The following TSPAN18 variants were observed in gnomAD, a reference collection of about 807,000 sequenced individuals.
TSPAN18 encodes the protein tetraspanin-18.
A neutral mutation model predicts 27.3 loss-of-function variants in TSPAN18; 14 were observed. The ratio of observed to expected loss-of-function variants is 0.51; its 90% CI spans 0.34 to 0.80. TSPAN18 has a LOEUF of 0.80. Ranked by LOEUF, TSPAN18 falls within the 30% of genes least tolerant of loss-of-function variation. The pLI is 0.01. For missense variants in TSPAN18, 268 were observed against 323.9 expected, an observed-to-expected ratio of 0.83 and a Z score of 1.32; for synonymous variants, 143 against 136.5, an observed-to-expected ratio of 1.05 and a Z score of -0.33.
At chr11:44,763,905 A>G (rs1855507817) in intron 1 of TSPAN18, among the ~76,000 whole-genome samples, 1 of 152,112 alleles carries the variant, frequency 6.6e-6, no homozygotes, top group African/African-American at 2.4e-5. Flanking sequence ...GGTAATTTAT[A>G]TATAAAAAAA....
intron 2 of TSPAN18, among the ~76,000 whole-genome samples, chr11:44,831,480 A>G (rs1391863232): frequency 6.6e-6 from 1 of 152,168 alleles, no homozygotes; most frequent in Non-Finnish European, 1.5e-5. Flanking sequence ...CCCCAGGGGA[A>G]CCCAGAACTT....
chr11:44,897,734 T>A (rs1368187695), intron 3 of TSPAN18: 1 of 1,282,488 alleles, frequency 7.8e-7, no homozygotes, highest in Non-Finnish European at 1.0e-6. Flanking sequence ...AATTGAATAT[T>A]TTCTCTTATT....
chr11:44,908,800 A>AAGGAAGGAAGGAAGGAAGG (rs1564992949), intron 4 of TSPAN18, among the ~76,000 whole-genome samples: 5 of 140,598 alleles, frequency 3.6e-5, no homozygotes, highest in African/African-American at 1.4e-4. Context: ...AGAAAGAAAG[A>AAGGAAGGAAGGAAGGAAGG]AAGAAAGAAA....
At chr11:44,731,633 T>TGTGTGTGTGAGAGAGAGAGAGAGA (rs139154582) in intron 1 of TSPAN18, among the ~76,000 whole-genome samples, 11 of 107,430 alleles carry the variant, frequency 1.0e-4, no homozygotes, top group African/African-American at 3.2e-4. Context: ...TGTGTGTGTG[T>TGTGTGTGTGAGAGAGAGAGAGAGA]GAGAGAGAGA....
At chr11:44,809,582 T>C (rs1205828049) in intron 2 of TSPAN18, among the ~76,000 whole-genome samples, 1 of 152,176 alleles carries the variant, frequency 6.6e-6, no homozygotes, top group African/African-American at 2.4e-5. Flanking sequence ...TGAACATTAG[T>C]ACAGAGCTGA....
At chr11:44,845,363 C>T (rs574036928) in intron 2 of TSPAN18, among the ~76,000 whole-genome samples, 16 of 152,304 alleles carry the variant, frequency 1.1e-4, no homozygotes, top group South Asian at 2.1e-4. Context: ...GGTGATACTG[C>T]GTGCAAAGTG....
At chr11:44,780,569 A>G (rs1023581524) in intron 2 of TSPAN18, among the ~76,000 whole-genome samples, 2 of 152,200 alleles carry the variant, frequency 1.3e-5, no homozygotes, top group African/African-American at 4.8e-5. Context: ...CTTACAGTCC[A>G]CCAACTTCAT....
rs115344849 is a variant in TSPAN18 at position 44,737,210 on chromosome 11, G to A, written c.-240+9923G>A. On this transcript the variant is annotated intron_variant, in intron 1 of 9. Coordinates refer to ENST00000520358, the MANE Select transcript of TSPAN18 (RefSeq NM_130783.5). ...ATAGCACCAAAGCCCAAAGGGAGCC[G>A]TAGAATGCCATGAAAATGCTCAGGG... 6.1e-3 allele frequency among the ~76,000 whole-genome samples: 930 copies of A among 152,312 alleles called. 14 individuals are homozygous for A. Among genetic ancestry groups the A allele is most frequent in the African/African-American group, 0.021 (881 of 41,560 alleles).
intron 2 of TSPAN18, among the ~76,000 whole-genome samples, chr11:44,852,058 CTGAA>C (rs1247974188): frequency 6.6e-6 from 1 of 152,126 alleles, no homozygotes; most frequent in Non-Finnish European, 1.5e-5. Flanking sequence ...TGTCTGCTGG[CTGAA>C]TGAATGAATG....
chr11:44,919,589 G>T, intron 7 of TSPAN18: 2 of 610,204 alleles, frequency 3.3e-6, no homozygotes, highest in East Asian at 2.8e-5. Context: ...ATGGCTAAGC[G>T]CCTGGTGAGG....
chr11:44,867,638 A>G (rs1304989520), intron 3 of TSPAN18, among the ~76,000 whole-genome samples: 1 of 151,986 alleles, frequency 6.6e-6, no homozygotes, highest in Non-Finnish European at 1.5e-5. Flanking sequence ...ACCTCAGGTG[A>G]TCCACCCTCC....
Position 44,909,864 on chromosome 11 carries a change from G to C in TSPAN18, c.223G>C (p.Gly75Arg). The C allele has an allele frequency of 6.2e-7, 1 of 1,613,820 alleles. No homozygotes were observed. The highest frequency in any genetic ancestry group is 1.1e-5 in the South Asian group (1 of 91,046). ...TCTGCTCGGCTTCCTGGGCTGCTGC[G>C]GGGCCGTCCGTGAGAACAAGTGTCT... ...LFLLGFLGCC[G>R]AVRENKCLLL... Residue 75 changes from glycine to arginine, a missense_variant, in exon 5 of 10, where the codon GGG becomes CGG. Physicochemically the swap from Gly to Arg is moderately radical, Grantham distance 125. Coordinates refer to ENST00000520358, the MANE Select transcript of TSPAN18 (RefSeq NM_130783.5).
chr11:44,741,200 C>T (rs192016104), intron 1 of TSPAN18, among the ~76,000 whole-genome samples: 12 of 152,240 alleles, frequency 7.9e-5, no homozygotes, highest in Admixed American at 2.6e-4. Context: ...GAGGACAATC[C>T]GTGGCATTCT....
In TSPAN18 at chr11:44,931,925, G is replaced by A. The variant is rs886697744; in HGVS notation, c.*2747G>A. ...CCACTAACAGGGCAAGGAACAAGAA[G>A]ACTACACCGCTCATCACAAACCCTG... is the stretch of plus-strand genomic sequence containing the variant. On this transcript the variant is annotated 3_prime_UTR_variant, in exon 10 of 10. Transcript: ENST00000520358. 6.6e-6 allele frequency: 1 copy of A among 152,366 alleles called. No individual in the cohort carries two copies. Among genetic ancestry groups the A allele is most frequent in the African/African-American group, 2.4e-5 (1 of 41,548 alleles). The allele number at this position is 152,366 out of a possible 1,614,324, so 9.4% of individuals were successfully genotyped here. A position where few individuals can be genotyped will look rare whatever the true frequency, so the allele number is the denominator to read the frequency against.
intron 1 of TSPAN18, among the ~76,000 whole-genome samples, chr11:44,731,645 A>AGAGAGT (rs1854663282): frequency 1.3e-5 from 2 of 150,536 alleles, no homozygotes; most frequent in Non-Finnish European, 3.0e-5. Context: ...AGAGAGAGAG[A>AGAGAGT]GAGAGAGAGA....
intron 1 of TSPAN18, among the ~76,000 whole-genome samples, chr11:44,761,802 A>G (rs540157731): frequency 1.3e-5 from 2 of 152,320 alleles, no homozygotes; most frequent in East Asian, 3.9e-4. Context: ...AAAGCTCATT[A>G]TCAGTTCTGA....
chr11:44,801,642 G>A (rs936942278), intron 2 of TSPAN18, among the ~76,000 whole-genome samples: 2 of 152,228 alleles, frequency 1.3e-5, no homozygotes, highest in African/African-American at 4.8e-5. Flanking sequence ...GAAGGAAACT[G>A]CCTCATTTGA....
chr11:44,846,269 C>T (rs1388011889), intron 2 of TSPAN18, among the ~76,000 whole-genome samples: 13 of 152,360 alleles, frequency 8.5e-5, no homozygotes, highest in Non-Finnish European at 1.5e-4. Flanking sequence ...TCTAGCATTC[C>T]GGCTTGTAGC....
At chr11:44,744,908 A>T (rs1245772247) in intron 1 of TSPAN18, among the ~76,000 whole-genome samples, 1 of 152,190 alleles carries the variant, frequency 6.6e-6, no homozygotes, top group Non-Finnish European at 1.5e-5. Flanking sequence ...GTGCAGCTGA[A>T]GGGTGGATGA....
Sources: gnomAD v4.1 joint callset for allele counts (sites outside exome capture counted in the v4.1 genomes callset) on GRCh38, gnomAD v4.1.1 for gene constraint, MANE v1.5 for transcripts, NCBI Gene and HGNC (gene_info 2026-07-23, HGNC 2026-07-21) for gene names.